The following NFIB variants were observed in gnomAD, a reference collection of about 807,000 sequenced individuals.
The protein encoded by NFIB is nuclear factor 1 B-type.
NFIB carries 11 observed loss-of-function variants against 61.5 expected under a neutral mutation model. The observed-to-expected ratio is 0.18, with a 90% CI of 0.11 to 0.30. The LOEUF (loss-of-function observed/expected upper bound fraction) is 0.30. NFIB is among the 10% of genes least tolerant of loss of function. The pLI, the probability that NFIB is intolerant of heterozygous loss-of-function variation, is 1.00. For synonymous variants in NFIB, 260 were observed against 216.5 expected, an observed-to-expected ratio of 1.20 and a Z score of -1.76; for missense variants, 471 against 608.9, an observed-to-expected ratio of 0.77 and a Z score of 2.38.
the NFIB span, among the ~76,000 whole-genome samples, chr9:14,440,531 G>A: frequency 2.6e-5 from 4 of 152,118 alleles, no homozygotes; most frequent in Non-Finnish European, 5.9e-5. Context: ...AAAATCACTA[G>A]AGCCACAATC....
chr9:14,248,404 G>A (rs555025155), intron 2 of NFIB, among the ~76,000 whole-genome samples: 1 of 151,416 alleles, frequency 6.6e-6, no homozygotes, highest in African/African-American at 2.4e-5. Flanking sequence ...CAGAGTAGCT[G>A]GGATTACAGG....
intron 10 of NFIB, among the ~76,000 whole-genome samples, chr9:14,098,317 T>C (rs1313423004): frequency 6.6e-6 from 1 of 152,182 alleles, no homozygotes; most frequent in African/African-American, 2.4e-5. Flanking sequence ...TGGCTTTGCG[T>C]TTTCTTGAAA....
intron 2 of NFIB, among the ~76,000 whole-genome samples, chr9:14,287,594 T>C (rs547970760): frequency 6.6e-6 from 1 of 151,956 alleles, no homozygotes; most frequent in Non-Finnish European, 1.5e-5. Flanking sequence ...GGCTAATTTT[T>C]TGTATTTTTT....
the NFIB span, among the ~76,000 whole-genome samples, chr9:14,522,707 C>T: frequency 2.0e-4 from 31 of 152,330 alleles, no homozygotes; most frequent in African/African-American, 6.7e-4. Flanking sequence ...GTCTCATATT[C>T]TTCCACCTTT....
At chr9:14,505,283 T>C in the NFIB span, among the ~76,000 whole-genome samples, 1 of 152,220 alleles carries the variant, frequency 6.6e-6, no homozygotes, top group African/African-American at 2.4e-5. Flanking sequence ...TTTTTGCATG[T>C]ATGTTCATCA....
chr9:14,408,510 A>G, the NFIB span, among the ~76,000 whole-genome samples: 1 of 152,214 alleles, frequency 6.6e-6, no homozygotes, highest in African/African-American at 2.4e-5. Flanking sequence ...ATACAGAAAA[A>G]AAGGGGACAA....
At chr9:14,265,663 T>C (rs1413400092) in intron 2 of NFIB, among the ~76,000 whole-genome samples, 1 of 152,212 alleles carries the variant, frequency 6.6e-6, no homozygotes, top group East Asian at 1.9e-4. Flanking sequence ...TTGACCACCA[T>C]ATCCCTCTCT....
chr9:14,227,294 G>A (rs1232383703), intron 2 of NFIB, among the ~76,000 whole-genome samples: 1 of 152,140 alleles, frequency 6.6e-6, no homozygotes, highest in Non-Finnish European at 1.5e-5. Flanking sequence ...CAGTTTGCTG[G>A]TGAGATCTTA....
the NFIB span, among the ~76,000 whole-genome samples, chr9:14,512,378 C>G: frequency 7.1e-6 from 1 of 141,070 alleles, no homozygotes; most frequent in South Asian, 2.4e-4. Flanking sequence ...CTGTGAAAGT[C>G]TGTTCTGCAG....
intron 2 of NFIB, among the ~76,000 whole-genome samples, chr9:14,284,356 C>T (rs1704395972): frequency 6.6e-6 from 1 of 152,148 alleles, no homozygotes. Context: ...TCTTTCCATA[C>T]ATCTTCTTTC....
chr9:14,422,952 C>T, the NFIB span, among the ~76,000 whole-genome samples: 2 of 152,160 alleles, frequency 1.3e-5, no homozygotes, highest in African/African-American at 4.8e-5. Flanking sequence ...TCTGGATTTT[C>T]AATAACAACA....
chr9:14,524,569 A>T, the NFIB span, among the ~76,000 whole-genome samples: 1 of 152,230 alleles, frequency 6.6e-6, no homozygotes, highest in African/African-American at 2.4e-5. Context: ...GAACCGCAAA[A>T]TGGCACAGGT....
At chr9:14,329,450 C>T (rs548567116) in intron 1 of NFIB, among the ~76,000 whole-genome samples, 1 of 152,220 alleles carries the variant, frequency 6.6e-6, no homozygotes, top group East Asian at 1.9e-4. Context: ...GTCCACATGC[C>T]AAACACCTGA....
intron 2 of NFIB, among the ~76,000 whole-genome samples, chr9:14,184,909 G>C (rs530426965): frequency 6.6e-6 from 1 of 152,200 alleles, no homozygotes; most frequent in Admixed American, 6.5e-5. Context: ...TGTAATCCCA[G>C]CTACTTGAGA....
At chr9:14,474,809 T>C in the NFIB span, among the ~76,000 whole-genome samples, 1 of 151,908 alleles carries the variant, frequency 6.6e-6, no homozygotes, top group African/African-American at 2.4e-5. Flanking sequence ...GAAACTGGGG[T>C]GAGGGGCTAA....
intron 1 of NFIB, among the ~76,000 whole-genome samples, chr9:14,332,027 A>T (rs1287374301): frequency 1.3e-5 from 2 of 152,116 alleles, no homozygotes; most frequent in Non-Finnish European, 2.9e-5. Context: ...TTTATTTGCA[A>T]TTATAGTTTA....
chr9:14,275,165 A>C (rs1260828067), intron 2 of NFIB, among the ~76,000 whole-genome samples: 1 of 152,092 alleles, frequency 6.6e-6, no homozygotes, highest in Non-Finnish European at 1.5e-5. Flanking sequence ...GTTACTTCTG[A>C]AGGGAGTTGT....
At chr9:14,364,099 G>A (rs1349996472) in intron 1 of NFIB, among the ~76,000 whole-genome samples, 1 of 152,032 alleles carries the variant, frequency 6.6e-6, no homozygotes, top group Non-Finnish European at 1.5e-5. Context: ...TGGGTCAAAG[G>A]GTATGAGTAT....
At chr9:14,520,171 G>A in the NFIB span, among the ~76,000 whole-genome samples, 1 of 151,958 alleles carries the variant, frequency 6.6e-6, no homozygotes, top group Admixed American at 6.5e-5. Flanking sequence ...TAACTCTTTA[G>A]GAAATACCCA....
Sources: gnomAD v4.1 joint callset for allele counts (sites outside exome capture counted in the v4.1 genomes callset) on GRCh38, gnomAD v4.1.1 for gene constraint, MANE v1.5 for transcripts, NCBI Gene and HGNC (gene_info 2026-07-23, HGNC 2026-07-21) for gene names.